ABL1: variants seen among roughly 807,000 people sequenced by gnomAD.
ABL1 encodes the protein ABL proto-oncogene 1, non-receptor tyrosine kinase.
In ABL1, 11 loss-of-function variants were observed where a neutral mutation model predicts 94.7. The ratio of observed to expected loss-of-function variants is 0.12; its 90% CI spans 0.07 to 0.19. The LOEUF (loss-of-function observed/expected upper bound fraction) is 0.19. ABL1 is among the 10% of genes least tolerant of loss of function. The pLI is 1.00. For synonymous variants in ABL1, 656 were observed against 622.4 expected (o/e 1.05, Z -0.80); for missense variants, 1,082 against 1,489.4 (o/e 0.73, Z 4.50).
chr9:130,728,916 C>A (rs1278520805), intron 1 of ABL1, among the ~76,000 whole-genome samples: 2 of 151,962 alleles, frequency 1.3e-5, no homozygotes, highest in Non-Finnish European at 2.9e-5. Flanking sequence ...TGATTGTATG[C>A]CAGACATGTG....
exon 1 of ABL1, chr9:130,714,346 T>C (rs1831408812): frequency 6.2e-7 from 1 of 1,612,676 alleles, no homozygotes; most frequent in African/African-American, 1.3e-5. Context: ...GAAAAGTACT[T>C]GGGGACCAAA....
intron 2 of ABL1, 121 bp downstream of exon 2, chr9:130,854,358 C>T (rs1830939680): frequency 8.8e-7 from 1 of 1,131,954 alleles, no homozygotes; most frequent in African/African-American, 1.6e-5. Context: ...GCAGGGATAT[C>T]CAAAACAACA....
At chr9:130,859,441 G>A (rs969778052) in intron 3 of ABL1, among the ~76,000 whole-genome samples, 1 of 152,042 alleles carries the variant, frequency 6.6e-6, no homozygotes, top group African/African-American at 2.4e-5. Context: ...CCGAGCACAT[G>A]GCTAACCTGC....
At chr9:130,793,247 G>A (rs1829932462) in intron 1 of ABL1, among the ~76,000 whole-genome samples, 1 of 152,118 alleles carries the variant, frequency 6.6e-6, no homozygotes, top group African/African-American at 2.4e-5. Flanking sequence ...TTTTTAATCA[G>A]CCAATAAGAT....
intron 3 of ABL1, among the ~76,000 whole-genome samples, chr9:130,860,395 G>A (rs1167349627): frequency 6.6e-6 from 1 of 152,230 alleles, no homozygotes; most frequent in Non-Finnish European, 1.5e-5. Context: ...GGGCCATTCA[G>A]TGAAACCTCC....
chr9:130,801,271 GCAGGCTGGAGTGCAGTGGCA>G (rs987017055), intron 1 of ABL1, among the ~76,000 whole-genome samples: 11 of 148,850 alleles, frequency 7.4e-5, no homozygotes, highest in Non-Finnish European at 1.5e-4. Context: ...GCTCAATCAT[GCAGGCTGGAGTGCAGTGGCA>G]CACTTGGCTC....
At chr9:130,848,373 C>T (rs947296185) in intron 1 of ABL1, among the ~76,000 whole-genome samples, 1 of 146,954 alleles carries the variant, frequency 6.8e-6, no homozygotes, top group South Asian at 2.2e-4. Flanking sequence ...AAAAACTTAG[C>T]CAGGCGCAGT....
chr9:130,763,953 A>G (rs1392475790), intron 1 of ABL1, among the ~76,000 whole-genome samples: 1 of 152,158 alleles, frequency 6.6e-6, no homozygotes, highest in African/African-American at 2.4e-5. Flanking sequence ...TGCCAGCACA[A>G]GGGGAACATG....
At chr9:130,849,339 A>G (rs527307525) in intron 1 of ABL1, among the ~76,000 whole-genome samples, 6 of 152,294 alleles carry the variant, frequency 3.9e-5, no homozygotes, top group South Asian at 4.2e-4. Flanking sequence ...CTTCTGGTTC[A>G]TATTCCAGTT....
intron 1 of ABL1, among the ~76,000 whole-genome samples, chr9:130,729,609 C>T (rs1473499073): frequency 6.6e-6 from 1 of 152,190 alleles, no homozygotes; most frequent in Non-Finnish European, 1.5e-5. Flanking sequence ...CCTTGCCTTG[C>T]CTGTCATCTA....
chr9:130,760,977 T>TTG (rs1832106309), intron 1 of ABL1, among the ~76,000 whole-genome samples: 2 of 112,790 alleles, frequency 1.8e-5, no homozygotes, highest in South Asian at 3.5e-4. Context: ...AGACGGAGTC[T>TTG]CGCTCTTTCG....
intron 1 of ABL1, among the ~76,000 whole-genome samples, chr9:130,793,804 G>A (rs777716820): frequency 1.6e-4 from 24 of 152,092 alleles, no homozygotes; most frequent in Admixed American, 1.1e-3. Flanking sequence ...ATTTACAGCC[G>A]CTCCCCATAG....
At chr9:130,878,038 C>T (rs916895235) in intron 7 of ABL1, among the ~76,000 whole-genome samples, 1 of 152,068 alleles carries the variant, frequency 6.6e-6, no homozygotes, top group Non-Finnish European at 1.5e-5. Context: ...TGGTCTCAAT[C>T]TCCTGACCTC....
At chr9:130,780,446 T>C (rs1829741708) in intron 1 of ABL1, among the ~76,000 whole-genome samples, 2 of 152,190 alleles carry the variant, frequency 1.3e-5, no homozygotes, top group South Asian at 4.1e-4. Flanking sequence ...TATTTACCTT[T>C]GTGATATTGG....
chr9:130,754,349 A>C (rs1832014143), intron 1 of ABL1, among the ~76,000 whole-genome samples: 2 of 151,098 alleles, frequency 1.3e-5, no homozygotes, highest in Non-Finnish European at 2.9e-5. Flanking sequence ...TCTACTAAAA[A>C]TACAAAAAAT....
At chr9:130,840,608 A>G (rs976863752) in intron 1 of ABL1, among the ~76,000 whole-genome samples, 4 of 152,226 alleles carry the variant, frequency 2.6e-5, no homozygotes, top group African/African-American at 9.6e-5. Context: ...TTAATTAAAC[A>G]CACAGAAGAA....
intron 1 of ABL1, among the ~76,000 whole-genome samples, chr9:130,853,384 C>T (rs1830910972): frequency 6.6e-6 from 1 of 150,514 alleles, no homozygotes; most frequent in Non-Finnish European, 1.5e-5. Context: ...CTGTGTTGGT[C>T]AGGTTGGTCT....
intron 1 of ABL1, among the ~76,000 whole-genome samples, chr9:130,736,341 G>A (rs985203719): frequency 2.0e-5 from 3 of 152,096 alleles, no homozygotes; most frequent in African/African-American, 7.2e-5. Context: ...CCCATCGCTG[G>A]TAATACAGAG....
At chr9:130,765,666 AATGAAAGTC>A (rs1021173690) in intron 1 of ABL1, among the ~76,000 whole-genome samples, 3 of 152,206 alleles carry the variant, frequency 2.0e-5, no homozygotes, top group African/African-American at 7.2e-5. Context: ...TAAGGAAGGA[AATGAAAGTC>A]ATTTGGTAAC....
Sources: gnomAD v4.1 joint callset for allele counts (sites outside exome capture counted in the v4.1 genomes callset) on GRCh38, gnomAD v4.1.1 for gene constraint, MANE v1.5 for transcripts, NCBI Gene and HGNC (gene_info 2026-07-23, HGNC 2026-07-21) for gene names.